KANK4: variants seen among roughly 807,000 people sequenced by gnomAD.
KANK4 encodes KN motif and ankyrin repeat domain-containing protein 4.
KANK4 carries 50 observed loss-of-function variants against 80.8 expected under a neutral mutation model. The observed-to-expected ratio is 0.62, with a 90% CI of 0.49 to 0.78. The LOEUF (loss-of-function observed/expected upper bound fraction) is 0.78, where lower values mean the gene tolerates loss of function less well. Ranked by LOEUF, KANK4 falls within the 30% of genes least tolerant of loss-of-function variation. The pLI is 0.00. For synonymous variants in KANK4, 465 were observed against 506.9 expected (o/e 0.92, Z 1.11); for missense variants, 1,196 against 1,240.1 (o/e 0.96, Z 0.53).
intron 9 of KANK4, among the ~76,000 whole-genome samples, chr1:62,241,981 C>T (rs191839887): frequency 3.3e-4 from 50 of 152,254 alleles, no homozygotes; most frequent in African/African-American, 1.2e-3. Flanking sequence ...CCATTCAGCT[C>T]AGGAGGTGTG....
At chr1:62,280,136 A>G (rs2149150749) in intron 2 of KANK4, among the ~76,000 whole-genome samples, 1 of 152,340 alleles carries the variant, frequency 6.6e-6, no homozygotes, top group Non-Finnish European at 1.5e-5. Context: ...GTAAATGGGG[A>G]AAAACAGAAA....
intron 1 of KANK4, among the ~76,000 whole-genome samples, chr1:62,301,568 G>A (rs900479080): frequency 6.6e-6 from 1 of 152,052 alleles, no homozygotes; most frequent in African/African-American, 2.4e-5. Context: ...AAGATTAAGG[G>A]TGTGGGCTTT....
chr1:62,252,948 C>T, intron 8 of KANK4, 119 bp downstream of exon 8: 1 of 1,256,470 alleles, frequency 8.0e-7, no homozygotes, highest in Non-Finnish European at 1.1e-6. Context: ...TTTGGAGGTC[C>T]CAGCCTCCTT....
chr1:62,300,154 C>G (rs1355913992), intron 1 of KANK4, among the ~76,000 whole-genome samples: 3 of 152,144 alleles, frequency 2.0e-5, no homozygotes, highest in Non-Finnish European at 4.4e-5. Flanking sequence ...AGTCTCTCCA[C>G]GACTGCTCAG....
In KANK4 at chr1:62,319,199, C is replaced by G. The variant is rs1002415558; in HGVS notation, c.-164G>C. 1 of 152,102 alleles carries G rather than the reference C, an allele frequency of 6.6e-6. No individual in the cohort carries two copies. The allele number at this position is 152,102 out of a possible 1,614,324, so 9.4% of individuals were successfully genotyped here. ...ACCCCGGCTTCGGAGCGCACGCAAC[C>G]TCCGGGTGCACTGTCCGCGTCCCAG... On this transcript the variant is annotated 5_prime_UTR_variant, in exon 1 of 10. Coordinates refer to ENST00000371153, the MANE Select transcript of KANK4 (RefSeq NM_181712.5).
intron 1 of KANK4, among the ~76,000 whole-genome samples, chr1:62,302,359 G>GGCACT (rs1557507386): frequency 6.6e-6 from 1 of 151,986 alleles, no homozygotes; most frequent in Non-Finnish European, 1.5e-5. Flanking sequence ...ATTTACTCCA[G>GGCACT]GCACTGTGCT....
At chr1:62,263,540 T>C (rs1315563176) in intron 6 of KANK4, 1 of 512,574 alleles carries the variant, frequency 2.0e-6, no homozygotes, top group African/African-American at 2.0e-5. Context: ...GAGGACAGCC[T>C]AGTAACCAGT....
chr1:62,244,282 T>C (rs541885371), intron 9 of KANK4, among the ~76,000 whole-genome samples: 107 of 152,022 alleles, frequency 7.0e-4, no homozygotes, highest in African/African-American at 2.5e-3. Context: ...TGTAGCTTCA[T>C]CTTCCCGGGC....
chr1:62,263,848 G>A (rs543176091), intron 6 of KANK4, among the ~76,000 whole-genome samples: 55 of 152,266 alleles, frequency 3.6e-4, no homozygotes, highest in Admixed American at 3.5e-3. Context: ...TGACATGTTT[G>A]GCTTTTAAGC....
At chr1:62,278,340 C>T (rs796095089) in intron 2 of KANK4, among the ~76,000 whole-genome samples, 31 of 10,322 alleles carry the variant, frequency 3.0e-3, no homozygotes, top group African/African-American at 0.02. Context: ...TTCCTTCCTT[C>T]CTTCCTTCCT....
chr1:62,300,837 C>G (rs547549396), intron 1 of KANK4, among the ~76,000 whole-genome samples: 2 of 152,032 alleles, frequency 1.3e-5, no homozygotes, highest in Admixed American at 6.5e-5. Flanking sequence ...GAATGAACAA[C>G]TGACTTCAAG....
Position 62,247,236 on chromosome 1 carries a change from A to G in KANK4, c.2883+236T>C, listed in dbSNP as rs1374937150. Among the ~76,000 whole-genome samples, 3 of 151,702 alleles carry G rather than the reference A, an allele frequency of 2.0e-5. No homozygotes were observed. The East Asian group carries it at 5.8e-4, about 29-fold the overall frequency. ...AGCCTTAGGAAGCTGATTTTGTTGC[A>G]TTGCCATAGGATTCCTTGAATTCTG... On this transcript the variant is annotated intron_variant, in intron 9 of 9. Coordinates refer to ENST00000371153, the MANE Select transcript of KANK4 (RefSeq NM_181712.5).
Position 62,274,933 on chromosome 1 carries a change from G to A in KANK4, c.171C>T (p.Ile57=), listed in dbSNP as rs765272695. 25 of 1,614,020 alleles carry A rather than the reference G, an allele frequency of 1.5e-5. No individual in the cohort carries two copies. The highest frequency in any genetic ancestry group is 1.3e-5 in the African/African-American group (1 of 74,912). Residue 57 remains isoleucine, a synonymous_variant, in exon 3 of 10, where the codon ATC becomes ATT. Coordinates refer to ENST00000371153, the MANE Select transcript of KANK4 (RefSeq NM_181712.5). ...ATTTGGCCTGCTTGGCCCTTCTGTG[G>A]ATAGGAATTCTTTTGATAGTGTTTC... is the stretch of plus-strand genomic sequence containing the variant. ...EKGNTIKRIP[I]HRRAKQAKFS... is the part of the protein sequence containing the mutation.
intron 1 of KANK4, among the ~76,000 whole-genome samples, chr1:62,291,248 T>C (rs1426745076): frequency 1.3e-5 from 2 of 152,232 alleles, no homozygotes; most frequent in Admixed American, 1.3e-4. Context: ...GAAATGTCCA[T>C]TCAAGTTCTT....
At chr1:62,242,361 C>CAAAAAAAAAAAA (rs57320794) in intron 9 of KANK4, among the ~76,000 whole-genome samples, 8 of 66,136 alleles carry the variant, frequency 1.2e-4, no homozygotes, top group African/African-American at 2.2e-4. Flanking sequence ...GACCATACCT[C>CAAAAAAAAAAAA]AAAAAAAAAA....
intron 2 of KANK4, among the ~76,000 whole-genome samples, chr1:62,278,686 C>T (rs1177829432): frequency 1.3e-5 from 2 of 152,140 alleles, no homozygotes; most frequent in East Asian, 3.9e-4. Flanking sequence ...TGAGCCACCA[C>T]GCCCGGCTGA....
In KANK4 at chr1:62,237,537, T is replaced by C. The variant is rs1671235311; in HGVS notation, c.*740A>G. On this transcript the variant is annotated 3_prime_UTR_variant, in exon 10 of 10. Transcript: ENST00000371153. ...GTGTCATTGGATTGAATTTCTTTTTTTTCTTTATTACATAGCAACTTACTA... is the reference window on the plus strand; with the variant it reads ...GTGTCATTGGATTGAATTTCTTTTTCTTCTTTATTACATAGCAACTTACTA... 6.6e-6 allele frequency: 1 copy of C among 152,216 alleles called. No homozygotes were observed. Among genetic ancestry groups the C allele is most frequent in the Non-Finnish European group, 1.5e-5 (1 of 68,042 alleles). 9.4% of individuals were successfully genotyped at this position (152,216 alleles called of 1,614,324 possible).
chr1:62,250,643 C>T (rs1295051198), intron 8 of KANK4, among the ~76,000 whole-genome samples: 2 of 152,192 alleles, frequency 1.3e-5, no homozygotes, highest in African/African-American at 4.8e-5. Context: ...TCAGTTTCTT[C>T]TCTGTACAAA....
At chr1:62,242,361 CAAAAAAAAAAAAAAA>C (rs57320794) in intron 9 of KANK4, among the ~76,000 whole-genome samples, 26 of 66,136 alleles carry the variant, frequency 3.9e-4, no homozygotes, top group African/African-American at 1.3e-3. Flanking sequence ...GACCATACCT[CAAAAAAAAAAAAAAA>C]AAAAAAAAAA....
Sources: allele counts gnomAD v4.1 joint callset (sites outside exome capture counted in the v4.1 genomes callset), GRCh38; gene constraint gnomAD v4.1.1; transcripts MANE v1.5; gene names NCBI Gene and HGNC (gene_info 2026-07-23, HGNC 2026-07-21).